GRM7: variants seen among roughly 807,000 people sequenced by gnomAD.
The protein encoded by GRM7 is metabotropic glutamate receptor 7.
In GRM7, 35 loss-of-function variants were observed where a neutral mutation model predicts 84.5. That is an observed-to-expected ratio of 0.41 (90% CI 0.32 to 0.55). The LOEUF is 0.55. Among genes scored for constraint, GRM7 ranks in the 20% least tolerant of loss-of-function variants. The pLI is 0.19. For missense variants in GRM7, 1,003 were observed against 1,194.6 expected, an observed-to-expected ratio of 0.84 and a Z score of 2.36; for synonymous variants, 487 against 455.1, an observed-to-expected ratio of 1.07 and a Z score of -0.89.
intron 2 of GRM7, among the ~76,000 whole-genome samples, chr3:7,296,855 C>T (rs1033690701): frequency 6.6e-5 from 10 of 151,444 alleles, no homozygotes; most frequent in African/African-American, 2.4e-4. Flanking sequence ...TGCTATGTTG[C>T]CCCGACTGGT....
Position 6,938,821 on chromosome 3 carries a change from T to C in GRM7, c.519+76914T>C, listed in dbSNP as rs563960906. On this transcript the variant is annotated intron_variant, in intron 1 of 9. Transcript: ENST00000357716. ...ATGGAGGTAGACAGGTAGAAAATCA[T>C]GAAGTTGTGTCTTATCAACAAGGGA... is the stretch of plus-strand genomic sequence containing the variant. 2.6e-5 allele frequency among the ~76,000 whole-genome samples: 4 copies of C among 152,314 alleles called. No individual in the cohort carries two copies. The South Asian group carries it at 8.3e-4, about 32-fold the overall frequency.
chr3:7,143,024 C>T (rs914223415), intron 1 of GRM7, among the ~76,000 whole-genome samples: 3 of 152,136 alleles, frequency 2.0e-5, no homozygotes, highest in African/African-American at 7.2e-5. Flanking sequence ...TTTTATATAG[C>T]TGCAGTGTTA....
chr3:7,349,127 TC>T (rs1415440545), intron 4 of GRM7, among the ~76,000 whole-genome samples: 12 of 152,154 alleles, frequency 7.9e-5, no homozygotes, highest in Non-Finnish European at 1.8e-4. Flanking sequence ...TAGCATGCAG[TC>T]TGACAGGCTC....
rs1194802660 is a variant in GRM7, at chr3:6,861,682, C to A, written c.294C>A (p.Asn98Lys). ...ACAGTGATCCCAACCTACTGCCCAA[C>A]GTGACGCTGGGCGCGCGGATCCTGG... ...QINSDPNLLP[N>K]VTLGARILDT... The change falls in exon 1 of 10, where the codon AAC (asparagine) becomes AAA (lysine). Residue 98 changes from asparagine to lysine, a missense_variant. This residue lies in a region of GRM7 where 910 missense variants were observed against 1,126.0 expected (regional missense o/e 0.81). Coordinates refer to ENST00000357716, the MANE Select transcript of GRM7 (RefSeq NM_000844.4). This position sits in a 1 kb window ranked among gnomAD's most constrained non-coding sequence, Gnocchi z 6.4. The A allele has an allele frequency of 1.2e-6, 2 of 1,614,122 alleles. No individual in the cohort carries two copies. The highest frequency in any genetic ancestry group is 1.1e-5 in the South Asian group (1 of 91,082).
chr3:7,483,698 G>A (rs986331328), intron 7 of GRM7, among the ~76,000 whole-genome samples: 1 of 152,088 alleles, frequency 6.6e-6, no homozygotes, highest in African/African-American at 2.4e-5. Flanking sequence ...GGGGGTGAAA[G>A]CAACTGCAAG....
chr3:7,358,110 C>G (rs916949381), intron 4 of GRM7, among the ~76,000 whole-genome samples: 1 of 152,072 alleles, frequency 6.6e-6, no homozygotes, highest in Admixed American at 6.6e-5. Flanking sequence ...AAACAACTTT[C>G]CTGAGGGGTT....
chr3:6,885,933 A>T (rs993532056), intron 1 of GRM7, among the ~76,000 whole-genome samples: 1 of 152,176 alleles, frequency 6.6e-6, no homozygotes, highest in African/African-American at 2.4e-5. Context: ...TTTTGTTTTC[A>T]AGTTAGTTTG....
chr3:7,478,730 C>T (rs77605459), intron 7 of GRM7, among the ~76,000 whole-genome samples: 11,539 of 152,148 alleles, frequency 0.076, 1,423 homozygotes, highest in African/African-American at 0.25. Flanking sequence ...GTAGTCCTAG[C>T]TATCAACTAG....
chr3:7,468,474 T>G (rs111947735), intron 7 of GRM7, among the ~76,000 whole-genome samples: 17 of 152,346 alleles, frequency 1.1e-4, no homozygotes, highest in African/African-American at 3.8e-4. Context: ...TAGCATTACA[T>G]ATTAATAAAT....
At chr3:6,977,573 A>C (rs1486778918) in intron 1 of GRM7, among the ~76,000 whole-genome samples, 2 of 152,178 alleles carry the variant, frequency 1.3e-5, no homozygotes, top group African/African-American at 2.4e-5. Flanking sequence ...TGCCATCCCC[A>C]TAACCGAAAG....
rs530337459 is a variant in GRM7, at chr3:7,573,447, G to C, written c.1516-4975G>C. ...GATAAAATTTTCTTTTAGATAGAGTGTGTCTGCGTGGGGAAAGGAACAGAT... is the reference window on the plus strand; with the variant it reads ...GATAAAATTTTCTTTTAGATAGAGTCTGTCTGCGTGGGGAAAGGAACAGAT... On this transcript the variant is annotated intron_variant, in intron 7 of 9. Transcript: ENST00000357716. 2.1e-4 allele frequency among the ~76,000 whole-genome samples: 32 copies of C among 152,250 alleles called. No homozygotes were observed. The South Asian group carries it at 6.2e-3, about 30-fold the overall frequency.
At chr3:7,546,294 A>T (rs537952140) in intron 7 of GRM7, among the ~76,000 whole-genome samples, 6 of 152,200 alleles carry the variant, frequency 3.9e-5, no homozygotes, top group Non-Finnish European at 8.8e-5. Flanking sequence ...GCTTCATTGC[A>T]TAGCCATCCA....
At chr3:7,299,111 A>G (rs1189850126) in intron 3 of GRM7, among the ~76,000 whole-genome samples, 1 of 152,230 alleles carries the variant, frequency 6.6e-6, no homozygotes, top group Non-Finnish European at 1.5e-5. Flanking sequence ...CAAATATATT[A>G]ATAACAGATT....
intron 1 of GRM7, among the ~76,000 whole-genome samples, chr3:7,017,558 T>C (rs148810015): frequency 1.3e-5 from 2 of 152,330 alleles, no homozygotes; most frequent in African/African-American, 4.8e-5. Context: ...GTGGCCATCA[T>C]TTTTCATTGA....
At chr3:7,525,211 C>T (rs1238686426) in intron 7 of GRM7, among the ~76,000 whole-genome samples, 1 of 151,868 alleles carries the variant, frequency 6.6e-6, no homozygotes, top group Admixed American at 6.6e-5. Context: ...CACATGTATA[C>T]ATATGTAACT....
intron 4 of GRM7, among the ~76,000 whole-genome samples, chr3:7,375,520 C>A (rs1256979385): frequency 4.6e-5 from 7 of 152,012 alleles, no homozygotes; most frequent in Non-Finnish European, 1.0e-4. Flanking sequence ...GCCCGGCCCC[C>A]TTCTTTACAT....
chr3:7,214,346 G>C (rs1445628298), intron 2 of GRM7, among the ~76,000 whole-genome samples: 2 of 152,158 alleles, frequency 1.3e-5, no homozygotes, highest in Non-Finnish European at 1.5e-5. Context: ...TGTTTATTGA[G>C]CCTCTCATGT....
At chr3:7,152,026 A>G (rs1004410727) in intron 2 of GRM7, among the ~76,000 whole-genome samples, 9 of 152,202 alleles carry the variant, frequency 5.9e-5, no homozygotes, top group African/African-American at 2.2e-4. Context: ...GCTTAAATAT[A>G]GATACTAAAC....
chr3:7,691,621 A>G (rs7632623), intron 9 of GRM7, among the ~76,000 whole-genome samples: 1,575 of 152,178 alleles, frequency 0.01, 27 homozygotes, highest in African/African-American at 0.036. Context: ...ACATAAGATA[A>G]CATTGTTGGT....
Sources: gnomAD v4.1 joint callset for allele counts (sites outside exome capture counted in the v4.1 genomes callset) on GRCh38, gnomAD v4.1.1 for gene constraint, gnomAD v4.1.1 regional missense constraint, Gnocchi (gnomAD v3.1) non-coding constraint, MANE v1.5 for transcripts, NCBI Gene and HGNC (gene_info 2026-07-23, HGNC 2026-07-21) for gene names.